VWC2L: variants seen among roughly 807,000 people sequenced by gnomAD.
VWC2L encodes the protein von Willebrand factor C domain containing 2 like.
Under a neutral mutation model 21.6 loss-of-function variants are expected in VWC2L, and 10 were observed. That is an observed-to-expected ratio of 0.46 (90% confidence interval 0.29 to 0.78). VWC2L has a LOEUF of 0.78. VWC2L is among the 30% of genes least tolerant of loss of function. The probability of loss-of-function intolerance (pLI) is 0.10; values close to 1 mark genes in which losing one functional copy is unlikely to be tolerated. For synonymous variants in VWC2L, 96 were observed against 94.3 expected (o/e 1.02, Z -0.10); for missense variants, 209 against 277.1 (o/e 0.75, Z 1.74).
chr2:214,437,386 G>C (rs533814878), intron 3 of VWC2L, among the ~76,000 whole-genome samples: 1 of 152,158 alleles, frequency 6.6e-6, no homozygotes, highest in South Asian at 2.1e-4. Flanking sequence ...GAATGGAGAG[G>C]TTGAACCAAC....
intron 3 of VWC2L, among the ~76,000 whole-genome samples, chr2:214,503,975 A>C (rs552919941): frequency 1.5e-5 from 1 of 67,032 alleles, no homozygotes; most frequent in Admixed American, 2.2e-4. Flanking sequence ...CAATTTGTTG[A>C]CTATAAGAAG....
intron 3 of VWC2L, among the ~76,000 whole-genome samples, chr2:214,461,150 C>T (rs1048049167): frequency 6.6e-6 from 1 of 152,162 alleles, no homozygotes; most frequent in Admixed American, 6.6e-5. Context: ...GTCGTGGCAG[C>T]AGTGGGACAA....
rs55864016 is a variant in VWC2L at position 214,563,546 on chromosome 2, C to CAAAAAAAAAAAAAAAAAA, written c.521-12108_521-12091dup. 1.5e-3 allele frequency among the ~76,000 whole-genome samples: 145 copies of CAAAAAAAAAAAAAAAAAA among 95,822 alleles called. 3 individuals carry two copies. Among genetic ancestry groups the CAAAAAAAAAAAAAAAAAA allele is most frequent in the African/African-American group, 1.7e-3 (41 of 23,770 alleles). The allele number at this position is 95,822 out of a possible 152,430, so 62.9% of individuals were successfully genotyped here. On this transcript the variant is annotated intron_variant, in intron 3 of 3. Transcript: ENST00000312504. Reference sequence around the variant, plus strand: ...TGGGTGACACAGCAAGACTCCGTCTCAAAAAAAAAAAAAAAAAAAAAAAAA... The same window carrying CAAAAAAAAAAAAAAAAAA: ...TGGGTGACACAGCAAGACTCCGTCTCAAAAAAAAAAAAAAAAAAAAAAAAAAAAAAAAAAAAAAAAAAA...
In VWC2L at chr2:214,576,371, G is replaced by T. The variant is rs1245927295; in HGVS notation, c.*551G>T. 1 of 152,146 alleles carries T rather than the reference G, an allele frequency of 6.6e-6. No individual in the cohort carries two copies. The highest frequency in any genetic ancestry group is 2.4e-5 in the African/African-American group (1 of 41,418). The allele number at this position is 152,146 out of a possible 1,614,324, so 9.4% of individuals were successfully genotyped here. A position where few individuals can be genotyped will look rare whatever the true frequency, so the allele number is the denominator to read the frequency against. On this transcript the variant is annotated 3_prime_UTR_variant, in exon 4 of 4. Transcript: ENST00000312504. ...GAGCATCCAGTCAATTGCTCCCCTAGGGTGAATCATGCCCTGTAGACTAAG... is the reference window on the plus strand; with the variant it reads ...GAGCATCCAGTCAATTGCTCCCCTATGGTGAATCATGCCCTGTAGACTAAG...
chr2:214,423,459 T>C (rs773331947), intron 2 of VWC2L, among the ~76,000 whole-genome samples: 4 of 152,214 alleles, frequency 2.6e-5, no homozygotes, highest in African/African-American at 7.2e-5. Context: ...CTTTTTTCTA[T>C]ATTTTACTAC....
rs1172478611 is a variant in VWC2L, at chr2:214,578,724, G to A, written c.*2904G>A. Reference sequence around the variant, plus strand: ...ATCTCTGTACTCCTATTTCTCCTCCGCCTTTGGTTCTCGGCTTTAACAACA... The same window carrying A: ...ATCTCTGTACTCCTATTTCTCCTCCACCTTTGGTTCTCGGCTTTAACAACA... On this transcript the variant is annotated 3_prime_UTR_variant, in exon 4 of 4. Transcript: ENST00000312504. 2 of 151,750 alleles carry A rather than the reference G, an allele frequency of 1.3e-5. No individual in the cohort carries two copies. Among genetic ancestry groups the A allele is most frequent in the African/African-American group, 2.4e-5 (1 of 41,280 alleles). The allele number at this position is 151,750 out of a possible 1,614,324, so 9.4% of individuals were successfully genotyped here.
chr2:214,471,623 G>T (rs1284796903), intron 3 of VWC2L, among the ~76,000 whole-genome samples: 1 of 152,164 alleles, frequency 6.6e-6, no homozygotes, highest in Admixed American at 6.5e-5. Flanking sequence ...CCTATCAGAA[G>T]CCCATGCTCT....
At position 214,477,891 on chromosome 2, in the gene VWC2L, G is replaced by A. The variant is rs751300034; in HGVS notation, c.520+41133G>A. Reference sequence around the variant, plus strand: ...TTTGTTCTGACGGTTTCTGTATGTCGTAAGTTGTTTATCACAGCTAACAGA... The same window carrying A: ...TTTGTTCTGACGGTTTCTGTATGTCATAAGTTGTTTATCACAGCTAACAGA... On this transcript the variant is annotated intron_variant, in intron 3 of 3. Transcript: ENST00000312504. Among the ~76,000 whole-genome samples, 10 of 152,116 alleles carry A rather than the reference G, an allele frequency of 6.6e-5. No homozygotes were observed. The East Asian group carries it at 1.5e-3, about 23-fold the overall frequency.
intron 2 of VWC2L, among the ~76,000 whole-genome samples, chr2:214,415,904 T>C (rs1702347432): frequency 6.6e-6 from 1 of 152,148 alleles, no homozygotes; most frequent in African/African-American, 2.4e-5. Flanking sequence ...AGTAAAAGTA[T>C]CATTGTTGAC....
At chr2:214,483,694 G>C (rs1688637239) in intron 3 of VWC2L, among the ~76,000 whole-genome samples, 1 of 152,148 alleles carries the variant, frequency 6.6e-6, no homozygotes, top group Non-Finnish European at 1.5e-5. Flanking sequence ...CTTGTCAGTA[G>C]GAAAGCCGTT....
intron 3 of VWC2L, among the ~76,000 whole-genome samples, chr2:214,463,917 A>G (rs951743094): frequency 5.3e-5 from 8 of 151,974 alleles, no homozygotes; most frequent in Non-Finnish European, 5.9e-5. Flanking sequence ...TCTGCTTGAT[A>G]AATTCTGCTG....
intron 3 of VWC2L, among the ~76,000 whole-genome samples, chr2:214,484,369 C>A (rs1276085661): frequency 6.6e-6 from 1 of 152,148 alleles, no homozygotes; most frequent in Non-Finnish European, 1.5e-5. Flanking sequence ...CACTGGGCAA[C>A]TCACTTGACG....
At chr2:214,485,856 A>C (rs1025512654) in intron 3 of VWC2L, among the ~76,000 whole-genome samples, 5 of 152,236 alleles carry the variant, frequency 3.3e-5, no homozygotes, top group African/African-American at 1.2e-4. Flanking sequence ...AATTGCAAAG[A>C]AATAAATATT....
intron 2 of VWC2L, among the ~76,000 whole-genome samples, chr2:214,435,519 A>G (rs554951844): frequency 1.9e-3 from 282 of 152,200 alleles, no homozygotes; most frequent in Non-Finnish European, 2.5e-3. Context: ...CTGAGTTGAG[A>G]AGCACTGATA....
At chr2:214,514,259 A>G (rs1689105491) in intron 3 of VWC2L, among the ~76,000 whole-genome samples, 1 of 152,086 alleles carries the variant, frequency 6.6e-6, no homozygotes, top group South Asian at 2.1e-4. Flanking sequence ...AATACCAGAC[A>G]TAGACAGAAA....
chr2:214,479,734 T>A (rs1217334827), intron 3 of VWC2L, among the ~76,000 whole-genome samples: 2 of 152,164 alleles, frequency 1.3e-5, no homozygotes, highest in African/African-American at 4.8e-5. Context: ...GAATCCGCAG[T>A]GAGCTGAGAT....
At chr2:214,563,995 G>C (rs1690022266) in intron 3 of VWC2L, among the ~76,000 whole-genome samples, 1 of 152,112 alleles carries the variant, frequency 6.6e-6, no homozygotes, top group Non-Finnish European at 1.5e-5. Flanking sequence ...TCAACGTGTA[G>C]AAGTCACAGG....
At chr2:214,464,254 G>A (rs1227184120) in intron 3 of VWC2L, among the ~76,000 whole-genome samples, 1 of 152,068 alleles carries the variant, frequency 6.6e-6, no homozygotes, top group Non-Finnish European at 1.5e-5. Flanking sequence ...GGTATTTATT[G>A]TAGTCTTCAT....
chr2:214,550,219 G>A (rs1477692053), intron 3 of VWC2L, among the ~76,000 whole-genome samples: 2 of 152,092 alleles, frequency 1.3e-5, no homozygotes, highest in Non-Finnish European at 2.9e-5. Flanking sequence ...GAAAACTTGG[G>A]TATATTCTAA....
Sources: gnomAD v4.1 joint callset for allele counts (sites outside exome capture counted in the v4.1 genomes callset) on GRCh38, gnomAD v4.1.1 for gene constraint, MANE v1.5 for transcripts, NCBI Gene and HGNC (gene_info 2026-07-23, HGNC 2026-07-21) for gene names.